Variants in CHRDL1 observed in about 807,000 individuals in gnomAD.
The protein encoded by CHRDL1 is chordin like 1.
CHRDL1 carries 19 observed loss-of-function variants against 40.9 expected under a neutral mutation model. The observed-to-expected ratio is 0.46, with a 90% confidence interval of 0.32 to 0.68. The LOEUF (loss-of-function observed/expected upper bound fraction) is 0.68. Among genes scored for constraint, CHRDL1 ranks in the 30% least tolerant of loss-of-function variants. CHRDL1 has a pLI of 0.03. For missense variants in CHRDL1, 329 were observed against 352.1 expected (o/e 0.93, Z 0.53); for synonymous variants, 136 against 123.4 (o/e 1.10, Z -0.68).
chrX:110,746,698 G>A (rs1228134433), intron 4 of CHRDL1, among the ~76,000 whole-genome samples: 1 of 111,279 alleles, frequency 9.0e-6, no homozygotes, highest in Admixed American at 9.5e-5. Flanking sequence ...CTGGTTATGA[G>A]GCTGCTATCA....
chrX:110,677,552 A>C (rs765752431), intron 11 of CHRDL1, among the ~76,000 whole-genome samples: 1 of 111,491 alleles, frequency 9.0e-6, no homozygotes, highest in African/African-American at 3.3e-5. Flanking sequence ...ACCTAGAACA[A>C]AGCCTTGTTC....
intron 2 of CHRDL1, among the ~76,000 whole-genome samples, chrX:110,782,302 A>G (rs1347387392): frequency 8.9e-6 from 1 of 112,229 alleles, no homozygotes; most frequent in Admixed American, 9.5e-5. Context: ...CTGAGGAATC[A>G]ATGGCACAGA....
rs372458399 is a variant in CHRDL1, at chrX:110,768,413, G to T, written c.95-5606C>A. Among the ~76,000 whole-genome samples the T allele has an allele frequency of 7.2e-5, 8 of 111,426 alleles. No homozygotes were observed. In the East Asian group the frequency reaches 2.3e-3, roughly 32 times the overall value. ...AAGGATGCAAAGCATCCTTCTGGGT[G>T]TATCCTATCTGGGTGTATCTGGGTG... is the stretch of plus-strand genomic sequence containing the variant. On this transcript the variant is annotated intron_variant, in intron 2 of 11. Coordinates refer to ENST00000372042, the MANE Select transcript of CHRDL1 (RefSeq NM_001143981.2).
Position 110,762,730 on chromosome X carries a change from C to A in CHRDL1, c.172G>T (p.Gly58Trp). 1 of 1,187,696 alleles carries A rather than the reference C, an allele frequency of 8.4e-7. No homozygotes were observed. The highest frequency in any genetic ancestry group is 1.1e-6 in the Non-Finnish European group (1 of 875,751). ...ATGCAGTTCACGCAGTAAACCAACC[C>A]ATAAGGTTCCAGGTAAGGATGCCAT... ...ERWHPYLEPY[G>W]LVYCVNCICS... is the part of the protein sequence containing the mutation. Residue 58 changes from glycine to tryptophan, a missense_variant, in exon 3 of 12, where the codon GGG becomes TGG. By Grantham distance (184) the Gly-to-Trp change is radical (BLOSUM62 -2). Transcript: ENST00000372042.
intron 11 of CHRDL1, among the ~76,000 whole-genome samples, chrX:110,679,110 C>T (rs1171847708): frequency 9.0e-6 from 1 of 111,498 alleles, no homozygotes; most frequent in Non-Finnish European, 1.9e-5. Context: ...GTATCCTATG[C>T]TCAGACTACA....
At chrX:110,787,366 G>A (rs1001012312) in intron 2 of CHRDL1, among the ~76,000 whole-genome samples, 2 of 111,681 alleles carry the variant, frequency 1.8e-5, no homozygotes, top group Non-Finnish European at 3.8e-5. Context: ...TAACTACAGA[G>A]CCTCCATGAC....
intron 4 of CHRDL1, among the ~76,000 whole-genome samples, chrX:110,722,059 G>A (rs990758980): frequency 7.2e-5 from 8 of 111,520 alleles, no homozygotes; most frequent in African/African-American, 2.6e-4. Flanking sequence ...AGTGCATGGT[G>A]CGAGCTCTGC....
At chrX:110,771,266 C>T (rs1489808850) in intron 2 of CHRDL1, among the ~76,000 whole-genome samples, 4 of 111,547 alleles carry the variant, frequency 3.6e-5, no homozygotes, top group African/African-American at 1.3e-4. Flanking sequence ...CCGGTGAATT[C>T]TATCAAACAT....
At position 110,719,013 on chromosome X, in the gene CHRDL1, G is replaced by C. The variant is rs765918616; in HGVS notation, c.541+822C>G. Reference sequence around the variant, plus strand: ...TCACATAAAGATGCCATATGGTCTAGCACCACCCTATATATCTACTGTATT... The same window carrying C: ...TCACATAAAGATGCCATATGGTCTACCACCACCCTATATATCTACTGTATT... On this transcript the variant is annotated intron_variant, in intron 6 of 11. Coordinates refer to ENST00000372042, the MANE Select transcript of CHRDL1 (RefSeq NM_001143981.2). Among the ~76,000 whole-genome samples the C allele has an allele frequency of 2.7e-5, 3 of 111,731 alleles. No homozygotes were observed. The East Asian group carries it at 8.4e-4, about 31-fold the overall frequency.
chrX:110,674,506 A>ACACACACACACACACACAC lies in CHRDL1; in HGVS notation c.*1724_*1725insGTGTGTGTGTGTGTGTGTG, dbSNP rs1569456462. On this transcript the variant is annotated 3_prime_UTR_variant, in exon 12 of 12. Transcript: ENST00000372042. ...ACACACACACACACACACACACACA[A>ACACACACACACACACACAC]ACTAATGCTTTGTGACCTCTCAACC... is the stretch of plus-strand genomic sequence containing the variant. 1 of 90,528 alleles carries ACACACACACACACACACAC rather than the reference A, an allele frequency of 1.1e-5. No individual in the cohort carries two copies. The highest frequency in any genetic ancestry group is 4.0e-5 in the African/African-American group (1 of 24,909). 7.5% of individuals were successfully genotyped at this position (90,528 alleles called of 1,213,427 possible).
intron 6 of CHRDL1, among the ~76,000 whole-genome samples, chrX:110,706,629 C>T (rs2070645379): frequency 1.8e-5 from 2 of 111,826 alleles, no homozygotes; most frequent in South Asian, 7.6e-4. Context: ...CTCAAAAGGA[C>T]TAAGTGTACA....
rs2090170493 is a variant in CHRDL1 at position 110,795,805 on chromosome X, T to C, written c.-96A>G. On this transcript the variant is annotated 5_prime_UTR_variant, in exon 1 of 12. Transcript: ENST00000372042. ...GCGCTCCGAGCTCCCCGGGGCGCTCTCGTCCGAGGTCTGGGGCTGGCAGGT... is the reference window on the plus strand; with the variant it reads ...GCGCTCCGAGCTCCCCGGGGCGCTCCCGTCCGAGGTCTGGGGCTGGCAGGT... 1 of 112,321 alleles carries C rather than the reference T, an allele frequency of 8.9e-6. No individual in the cohort carries two copies. Among genetic ancestry groups the C allele is most frequent in the Non-Finnish European group, 1.9e-5 (1 of 53,103 alleles). 9.3% of individuals were successfully genotyped at this position (112,321 alleles called of 1,213,427 possible).
intron 10 of CHRDL1, among the ~76,000 whole-genome samples, chrX:110,680,253 C>T (rs2069866275): frequency 9.0e-6 from 1 of 111,703 alleles, no homozygotes; most frequent in South Asian, 3.8e-4. Context: ...GAATAGTGGG[C>T]CCACTGCTGG....
intron 2 of CHRDL1, among the ~76,000 whole-genome samples, chrX:110,774,989 G>A (rs1053396989): frequency 2.7e-5 from 3 of 111,781 alleles, no homozygotes; most frequent in Admixed American, 9.5e-5. Flanking sequence ...AATATGGACC[G>A]AAATTTCAGT....
At chrX:110,702,381 T>C (rs1417320128) in intron 6 of CHRDL1, among the ~76,000 whole-genome samples, 1 of 112,372 alleles carries the variant, frequency 8.9e-6, no homozygotes, top group African/African-American at 3.2e-5. Flanking sequence ...ATATTTCTGA[T>C]TGCCTAAAAG....
intron 4 of CHRDL1, among the ~76,000 whole-genome samples, chrX:110,755,647 T>C (rs2089440766): frequency 8.9e-6 from 1 of 112,144 alleles, no homozygotes; most frequent in African/African-American, 3.2e-5. Flanking sequence ...GGTATACAGT[T>C]TGCTTATTTG....
chrX:110,748,038 T>G (rs147893783), intron 4 of CHRDL1, among the ~76,000 whole-genome samples: 1 of 111,869 alleles, frequency 8.9e-6, no homozygotes, highest in South Asian at 3.8e-4. Context: ...TTTTTTATAC[T>G]GAAGCTCACT....
At chrX:110,694,824 G>T (rs1402740220) in intron 7 of CHRDL1, among the ~76,000 whole-genome samples, 1 of 111,987 alleles carries the variant, frequency 8.9e-6, no homozygotes, top group Non-Finnish European at 1.9e-5. Context: ...TTTACAGGCA[G>T]AAGTTAAGTG....
chrX:110,785,511 C>T (rs2090004529), intron 2 of CHRDL1, among the ~76,000 whole-genome samples: 1 of 111,305 alleles, frequency 9.0e-6, no homozygotes, highest in African/African-American at 3.3e-5. Flanking sequence ...GCTCAGACTT[C>T]GCCACTATGC....
Sources: allele counts gnomAD v4.1 joint callset (sites outside exome capture counted in the v4.1 genomes callset), GRCh38; gene constraint gnomAD v4.1.1; transcripts MANE v1.5; gene names NCBI Gene and HGNC (gene_info 2026-07-23, HGNC 2026-07-21).